Variants in ZNF287 observed in about 807,000 individuals in gnomAD.
ZNF287 encodes zinc finger protein with KRAB and SCAN domains 13.
Under a neutral mutation model 73.7 loss-of-function variants are expected in ZNF287, and 31 were observed. The ratio of observed to expected loss-of-function variants is 0.42; its 90% CI spans 0.32 to 0.57. The LOEUF (loss-of-function observed/expected upper bound fraction) is 0.57, where lower values mean the gene tolerates loss of function less well. ZNF287 is among the 20% of genes least tolerant of loss of function. The pLI, the probability that ZNF287 is intolerant of heterozygous loss-of-function variation, is 0.13. For synonymous variants in ZNF287, 301 were observed against 307.2 expected (o/e 0.98, Z 0.21); for missense variants, 641 against 909.3 (o/e 0.70, Z 3.79).
rs1459089746 is a variant in ZNF287, at chr17:16,550,341, A to G, written c.*1515T>C. Among the ~76,000 whole-genome samples the G allele has an allele frequency of 6.6e-6, 1 of 152,172 alleles. No homozygotes were observed. Among genetic ancestry groups the G allele is most frequent in the Non-Finnish European group, 1.5e-5 (1 of 68,008 alleles). On this transcript the variant is annotated 3_prime_UTR_variant, in exon 6 of 6. Transcript: ENST00000395825. ...TAGTTTCTTCTAATAACCAGGCTGA[A>G]TTCTTTTTTATTTAGCCACTCTCAT... is the stretch of plus-strand genomic sequence containing the variant.
rs146928715 is a variant in ZNF287, at chr17:16,563,516, T to C, written c.628+183A>G. Among the ~76,000 whole-genome samples the C allele has an allele frequency of 2.0e-5, 3 of 152,296 alleles. No individual in the cohort carries two copies. In the East Asian group the frequency reaches 5.8e-4, roughly 29 times the overall value. ...GCAGCACTATGAAGCTGTGCATCAG[T>C]TGCCAATGTTCTCTCACTTAAGAAC... On this transcript the variant is annotated intron_variant, in intron 4 of 5. Transcript: ENST00000395825.
intron 5 of ZNF287, among the ~76,000 whole-genome samples, chr17:16,561,343 AT>A (rs1171262512): frequency 6.6e-6 from 1 of 152,164 alleles, no homozygotes; most frequent in Non-Finnish European, 1.5e-5. Flanking sequence ...GAAAATCACC[AT>A]TTTGCAACCA....
chr17:16,564,073 G>C (rs1243869592), intron 3 of ZNF287, among the ~76,000 whole-genome samples: 1 of 152,122 alleles, frequency 6.6e-6, no homozygotes, highest in African/African-American at 2.4e-5. Flanking sequence ...TGCATTGGTG[G>C]CAGCTCCATT....
chr17:16,551,712 A>G lies in ZNF287; in HGVS notation c.*144T>C. On this transcript the variant is annotated 3_prime_UTR_variant, in exon 6 of 6. Transcript: ENST00000395825. ...TTCACATTAAATCTAAATAGGTTAT[A>G]TCCATACCACTACTTCTGATACTTC... 1.2e-6 allele frequency: 1 copy of G among 808,824 alleles called. No individual in the cohort carries two copies. Among genetic ancestry groups the G allele is most frequent in the Non-Finnish European group, 1.9e-6 (1 of 513,332 alleles). The allele number at this position is 808,824 out of a possible 1,614,324, so 50.1% of individuals were successfully genotyped here. A position where few individuals can be genotyped will look rare whatever the true frequency, so the allele number is the denominator to read the frequency against.
In ZNF287 at chr17:16,552,072, T is replaced by C. The variant is rs200605563; in HGVS notation, c.2070A>G (p.Ser690=). Residue 690 remains serine (S), a synonymous_variant, in exon 6 of 6, where the codon TCA becomes TCG. Coordinates refer to ENST00000395825, the MANE Select transcript of ZNF287 (RefSeq NM_020653.4). This position sits in a 1 kb window ranked among gnomAD's most constrained non-coding sequence, Gnocchi z 6.5. ...TATGAGTTCTCTGATGTTGATTAAG[T>C]GATGAGGAATAAATGAAAGCTTTCC... The part of the protein sequence containing the change: ...ECGKAFIYSS[S]LNQHQRTHTG... 16 of 1,614,032 alleles carry C rather than the reference T, an allele frequency of 9.9e-6. No homozygotes were observed. Among genetic ancestry groups the C allele is most frequent in the Non-Finnish European group, 1.4e-5 (16 of 1,179,944 alleles).
chr17:16,567,778 G>A lies in ZNF287; in HGVS notation c.-47C>T, dbSNP rs1182972974. 6.5e-7 allele frequency: 1 copy of A among 1,548,900 alleles called. No homozygotes were observed. The highest frequency in any genetic ancestry group is 1.4e-5 in the African/African-American group (1 of 73,096). On this transcript the variant is annotated 5_prime_UTR_variant, in exon 2 of 6. Coordinates refer to ENST00000395825, the MANE Select transcript of ZNF287 (RefSeq NM_020653.4). ...TCTGGCAATATCCTTTATTTCTCCA[G>A]TAGTGAGCCAACTGCTTGAAGTCTC...
Position 16,548,816 on chromosome 17 carries a change from C to G in ZNF287, c.*3040G>C, listed in dbSNP as rs998205930. Among the ~76,000 whole-genome samples the G allele has an allele frequency of 2.6e-5, 4 of 152,032 alleles. No individual in the cohort carries two copies. Among genetic ancestry groups the G allele is most frequent in the African/African-American group, 9.7e-5 (4 of 41,380 alleles). ...CTCCGTCTCAAAAAAAAGGAAAAAC[C>G]AAAGTGGGGACTGTTCTAGATAGAT... On this transcript the variant is annotated 3_prime_UTR_variant, in exon 6 of 6. Coordinates refer to ENST00000395825, the MANE Select transcript of ZNF287 (RefSeq NM_020653.4).
At chr17:16,565,022 G>A (rs563899669) in intron 3 of ZNF287, among the ~76,000 whole-genome samples, 16 of 151,708 alleles carry the variant, frequency 1.1e-4, no homozygotes, top group South Asian at 8.4e-4. Flanking sequence ...GCCTGGCCAC[G>A]TGTTTATTTT....
intron 5 of ZNF287, among the ~76,000 whole-genome samples, chr17:16,560,401 G>A (rs1907359715): frequency 6.6e-6 from 1 of 150,696 alleles, no homozygotes; most frequent in African/African-American, 2.4e-5. Context: ...CCAGGCTGGA[G>A]TGCAGTGGCA....
intron 5 of ZNF287, among the ~76,000 whole-genome samples, chr17:16,560,854 T>A (rs1016131922): frequency 6.7e-6 from 1 of 150,280 alleles, no homozygotes; most frequent in Non-Finnish European, 1.5e-5. Context: ...ATACAAAAAA[T>A]TAGCTGGGTG....
At chr17:16,566,924 A>C (rs1005707810) in intron 2 of ZNF287, among the ~76,000 whole-genome samples, 1 of 152,142 alleles carries the variant, frequency 6.6e-6, no homozygotes, top group Admixed American at 6.6e-5. Flanking sequence ...TGTTCTCTAG[A>C]CCCTTTCTTC....
intron 5 of ZNF287, among the ~76,000 whole-genome samples, chr17:16,561,301 T>C (rs958531305): frequency 5.3e-5 from 8 of 151,544 alleles, no homozygotes; most frequent in African/African-American, 1.7e-4. Context: ...GCGACAAGAG[T>C]GAAACTCCAT....
At position 16,552,363 on chromosome 17, in the gene ZNF287, T is replaced by C. The variant is rs749011167; in HGVS notation, c.1779A>G (p.Ile593Met). ...QTTHTGEKSYICNICGKAFSQ... is the reference protein window; with the variant it reads ...QTTHTGEKSYMCNICGKAFSQ... ...TGAAGGCTTTCCCACATATATTACA[T>C]ATATAGGATTTCTCTCCAGTGTGAG... The change falls in exon 6 of 6, where the codon ATA (isoleucine) becomes ATG (methionine). Residue 593 changes from isoleucine (I) to methionine (M), a missense_variant. Around this residue, in one of 2 missense-constraint regions of ZNF287, gnomAD observed 284 missense variants for 466.8 expected, o/e 0.61. Transcript: ENST00000395825. The surrounding 1 kb of genome is among the most constrained non-coding windows in gnomAD (Gnocchi z 6.5). 1.9e-6 allele frequency: 3 copies of C among 1,613,962 alleles called. No individual in the cohort carries two copies. In the South Asian group the frequency reaches 3.3e-5, roughly 18 times the overall value.
At chr17:16,563,511 A>C (rs1195268449) in intron 4 of ZNF287, among the ~76,000 whole-genome samples, 188 bp downstream of exon 4, 4 of 152,240 alleles carry the variant, frequency 2.6e-5, no homozygotes, top group Non-Finnish European at 5.9e-5. Context: ...GAAGCTGTGC[A>C]TCAGTTGCCA....
Position 16,552,552 on chromosome 17 carries a change from A to G in ZNF287, c.1590T>C (p.His530=), listed in dbSNP as rs1041749039. The change falls in exon 6 of 6, where the codon CAT becomes CAC. Residue 530 remains histidine, a synonymous_variant. Coordinates refer to ENST00000395825, the MANE Select transcript of ZNF287 (RefSeq NM_020653.4). The surrounding 1 kb of genome is among the most constrained non-coding windows in gnomAD (Gnocchi z 6.5). The part of the protein sequence containing the change: ...STHLLQHQKI[H]TGKKPYKCNE... ...TGCATTTATATGGTTTCTTCCCAGT[A>G]TGTATTTTTTGATGCTGAAGAAGGT... 8.7e-6 allele frequency: 14 copies of G among 1,614,074 alleles called. No individual in the cohort carries two copies. In the African/African-American group the frequency reaches 9.3e-5, roughly 11 times the overall value.
At chr17:16,565,353 T>C (rs1418976311) in intron 3 of ZNF287, among the ~76,000 whole-genome samples, 2 of 151,718 alleles carry the variant, frequency 1.3e-5, no homozygotes, top group Admixed American at 1.3e-4. Context: ...GTTTTAGATA[T>C]TTTAAATTTT....
At position 16,551,795 on chromosome 17, in the gene ZNF287, A is replaced by G; in HGVS notation, c.*61T>C. On this transcript the variant is annotated 3_prime_UTR_variant, in exon 6 of 6. Transcript: ENST00000395825. ...ACTTCTTCTGAATGTTCTGACACAT[A>G]GAATGCACAAAACAAAATTGAAACA... is the stretch of plus-strand genomic sequence containing the variant. The G allele has an allele frequency of 6.6e-7, 1 of 1,520,084 alleles. No homozygotes were observed. The highest frequency in any genetic ancestry group is 8.8e-7 in the Non-Finnish European group (1 of 1,132,444). 94.2% of individuals were successfully genotyped at this position (1,520,084 alleles called of 1,614,324 possible).
rs1296652022 is a variant in ZNF287 at position 16,567,880 on chromosome 17, C to T, written c.-149G>A. The T allele has an allele frequency of 6.3e-6, 9 of 1,436,374 alleles. No homozygotes were observed. The highest frequency in any genetic ancestry group is 7.3e-6 in the Non-Finnish European group (8 of 1,099,938). 89.0% of individuals were successfully genotyped at this position (1,436,374 alleles called of 1,614,324 possible). On this transcript the variant is annotated 5_prime_UTR_variant, in exon 2 of 6. Transcript: ENST00000395825. ...AACAGAATCAAGGTAGAGTTAGCAGCCTTAGTGACAAATTCTGAGCCCAGA... is the reference window on the plus strand; with the variant it reads ...AACAGAATCAAGGTAGAGTTAGCAGTCTTAGTGACAAATTCTGAGCCCAGA...
rs1335951487 is a variant in ZNF287 at position 16,548,097 on chromosome 17, T to C, written c.*3759A>G. On this transcript the variant is annotated 3_prime_UTR_variant, in exon 6 of 6. Transcript: ENST00000395825. Reference sequence around the variant, plus strand: ...AGTGATAGAATTAGAAAATTGTCATTTTGCAAACATTGATGAGACAATGGA... The same window carrying C: ...AGTGATAGAATTAGAAAATTGTCATCTTGCAAACATTGATGAGACAATGGA... Among the ~76,000 whole-genome samples the C allele has an allele frequency of 2.6e-5, 4 of 152,146 alleles. No individual in the cohort carries two copies. Among genetic ancestry groups the C allele is most frequent in the Non-Finnish European group, 5.9e-5 (4 of 68,028 alleles).
Sources: allele counts gnomAD v4.1 joint callset (sites outside exome capture counted in the v4.1 genomes callset), GRCh38; gene constraint gnomAD v4.1.1; regional missense constraint gnomAD v4.1.1; non-coding constraint Gnocchi (gnomAD v3.1); transcripts MANE v1.5; gene names NCBI Gene and HGNC (gene_info 2026-07-23, HGNC 2026-07-21).